The following STRN variants were observed in gnomAD, a reference collection of about 807,000 sequenced individuals.
STRN encodes striatin, also known as protein phosphatase 2 regulatory subunit B'''alpha.
STRN carries 53 observed loss-of-function variants against 96.3 expected under a neutral mutation model. The observed-to-expected ratio is 0.55, with a 90% CI of 0.44 to 0.69. The LOEUF is 0.69. Ranked by LOEUF, STRN falls within the 30% of genes least tolerant of loss-of-function variation. The probability of loss-of-function intolerance (pLI) is 0.00; values close to 1 mark genes in which losing one functional copy is unlikely to be tolerated. For missense variants in STRN, 987 were observed against 963.9 expected (o/e 1.02, Z -0.32); for synonymous variants, 428 against 355.9 (o/e 1.20, Z -2.28).
At chr2:36,880,964 C>T (rs1336180381) in intron 9 of STRN, among the ~76,000 whole-genome samples, 10 of 152,092 alleles carry the variant, frequency 6.6e-5, no homozygotes, top group Non-Finnish European at 1.5e-4. Context: ...CAATAATAAG[C>T]ATCACTGTTA....
chr2:36,915,248 T>TATATATATATATATAC (rs2148217412), intron 3 of STRN, among the ~76,000 whole-genome samples: 1 of 103,632 alleles, frequency 9.6e-6, no homozygotes, highest in East Asian at 4.9e-4. Flanking sequence ...TATATATATA[T>TATATATATATATATAC]ATATATATAT....
At chr2:36,957,574 A>G (rs1327214175) in intron 1 of STRN, among the ~76,000 whole-genome samples, 1 of 151,994 alleles carries the variant, frequency 6.6e-6, no homozygotes, top group Middle Eastern at 3.2e-3. Flanking sequence ...GGTGACAGTA[A>G]GACCATCTCA....
intron 10 of STRN, among the ~76,000 whole-genome samples, chr2:36,876,913 AATTTTTTTGT>A (rs1261018713): frequency 6.6e-6 from 1 of 151,848 alleles, no homozygotes; most frequent in Non-Finnish European, 1.5e-5. Context: ...ACGCCTGGCT[AATTTTTTTGT>A]ATTTTTAATA....
intron 12 of STRN, 127 bp from the exon 13 acceptor site, chr2:36,861,380 C>T (rs1668474968): frequency 8.2e-7 from 1 of 1,215,166 alleles, no homozygotes; most frequent in Non-Finnish European, 1.1e-6. Flanking sequence ...AAAATGAAAA[C>T]ACAGGTACTA....
intron 12 of STRN, among the ~76,000 whole-genome samples, chr2:36,861,569 A>G (rs1347182854): frequency 6.6e-6 from 1 of 152,318 alleles, no homozygotes; most frequent in Admixed American, 6.5e-5. Flanking sequence ...CAGAAATTAT[A>G]TGACTAGCAA....
chr2:36,899,067 G>T (rs1395490777), intron 6 of STRN, among the ~76,000 whole-genome samples: 2 of 152,144 alleles, frequency 1.3e-5, no homozygotes, highest in Non-Finnish European at 2.9e-5. Flanking sequence ...AACTTGAGAA[G>T]AACCCTAAAC....
rs567441493 is a variant in STRN, at chr2:36,956,264, C to T, written c.234+9966G>A. Among the ~76,000 whole-genome samples, 10 of 152,312 alleles carry T rather than the reference C, an allele frequency of 6.6e-5. No individual in the cohort carries two copies. In the South Asian group the frequency reaches 2.1e-3, roughly 32 times the overall value. On this transcript the variant is annotated intron_variant, in intron 1 of 17. Transcript: ENST00000263918. ...ACAAAAAAGCAAACCACTTACTGGA[C>T]ACCCATCATATATCACATATTTTGC... is the stretch of plus-strand genomic sequence containing the variant.
chr2:36,956,632 A>G (rs1664895069), intron 1 of STRN, among the ~76,000 whole-genome samples: 1 of 152,178 alleles, frequency 6.6e-6, no homozygotes, highest in Non-Finnish European at 1.5e-5. Context: ...ACTTTCAAAC[A>G]CCTTTCATTG....
intron 15 of STRN, among the ~76,000 whole-genome samples, chr2:36,854,743 A>T (rs558586854): frequency 6.6e-6 from 1 of 152,318 alleles, no homozygotes; most frequent in Non-Finnish European, 1.5e-5. Flanking sequence ...TCTTCTTCAT[A>T]ACCTGAAAAA....
In STRN at chr2:36,966,322, T is replaced by A. The variant is rs756389595; in HGVS notation, c.142A>T (p.Ser48Cys). Residue 48 changes from serine to cysteine, a missense_variant, in exon 1 of 18, where the codon AGT becomes TGT. Transcript: ENST00000263918. ...AAAGAARAQY[S>C]LPGILHFLQH... ...AGGAAGTGCAGGATCCCCGGGAGAC[T>A]GTACTGGGCTCGGGCCGCCCCCGCC... is the stretch of plus-strand genomic sequence containing the variant. 2.0e-6 allele frequency: 3 copies of A among 1,522,412 alleles called. No individual in the cohort carries two copies. Among genetic ancestry groups the A allele is most frequent in the Non-Finnish European group, 2.6e-6 (3 of 1,137,598 alleles). The allele number at this position is 1,522,412 out of a possible 1,614,324, so 94.3% of individuals were successfully genotyped here.
intron 15 of STRN, among the ~76,000 whole-genome samples, chr2:36,852,089 C>T (rs577327178): frequency 6.6e-6 from 1 of 152,320 alleles, no homozygotes; most frequent in African/African-American, 2.4e-5. Context: ...AAATCAGTAC[C>T]TATTCTAACT....
intron 1 of STRN, among the ~76,000 whole-genome samples, chr2:36,926,830 C>T (rs778681813): frequency 5.2e-4 from 79 of 152,096 alleles, no homozygotes; most frequent in Non-Finnish European, 6.2e-4. Context: ...ATTATATATT[C>T]TGCAGTGGGA....
At chr2:36,887,444 T>G (rs1669270572) in intron 7 of STRN, among the ~76,000 whole-genome samples, 2 of 151,800 alleles carry the variant, frequency 1.3e-5, no homozygotes, top group Admixed American at 1.3e-4. Flanking sequence ...CACTCCCGCC[T>G]GGGCAACAGG....
intron 9 of STRN, among the ~76,000 whole-genome samples, chr2:36,879,201 G>C (rs1187801781): frequency 6.6e-6 from 1 of 152,024 alleles, no homozygotes; most frequent in Non-Finnish European, 1.5e-5. Context: ...CTCCCAAGTA[G>C]CTGGGATTAC....
intron 15 of STRN, among the ~76,000 whole-genome samples, chr2:36,853,908 T>A (rs1009395234): frequency 3.3e-5 from 5 of 152,172 alleles, no homozygotes; most frequent in Non-Finnish European, 7.4e-5. Context: ...CAACTCAAAA[T>A]AATGATCATT....
chr2:36,895,425 G>C (rs1187037660), intron 6 of STRN, among the ~76,000 whole-genome samples: 5 of 151,670 alleles, frequency 3.3e-5, no homozygotes. Context: ...CTAAAATCAA[G>C]AAATACTTCT....
intron 1 of STRN, among the ~76,000 whole-genome samples, chr2:36,957,231 T>C (rs1294997910): frequency 1.3e-5 from 2 of 152,306 alleles, no homozygotes; most frequent in East Asian, 1.9e-4. Flanking sequence ...GGCCCTCAAA[T>C]GTATTCACAA....
At chr2:36,850,701 T>C (rs987924744) in intron 16 of STRN, among the ~76,000 whole-genome samples, 2 of 152,186 alleles carry the variant, frequency 1.3e-5, no homozygotes, top group Non-Finnish European at 2.9e-5. Context: ...TAGCAACAGA[T>C]CATTTTTATT....
chr2:36,945,593 G>A (rs939576355), intron 1 of STRN, among the ~76,000 whole-genome samples: 2 of 152,034 alleles, frequency 1.3e-5, no homozygotes, highest in African/African-American at 4.8e-5. Context: ...CTTGAACCAA[G>A]AGGCAGAGTT....
Sources: gnomAD v4.1 joint callset for allele counts (sites outside exome capture counted in the v4.1 genomes callset) on GRCh38, gnomAD v4.1.1 for gene constraint, MANE v1.5 for transcripts, NCBI Gene and HGNC (gene_info 2026-07-23, HGNC 2026-07-21) for gene names.